The following NOL4 variants were observed in gnomAD, a reference collection of about 807,000 sequenced individuals.
NOL4 encodes the protein cancer/testis antigen 125.
In NOL4, 17 loss-of-function variants were observed where a neutral mutation model predicts 75.9. The ratio of observed to expected loss-of-function variants is 0.22; its 90% CI spans 0.15 to 0.34. NOL4 has a LOEUF of 0.34. NOL4 is among the 10% of genes least tolerant of loss of function. NOL4 has a pLI of 1.00. For synonymous variants in NOL4, 292 were observed against 289.9 expected (o/e 1.01, Z -0.07); for missense variants, 614 against 793.5 (o/e 0.77, Z 2.72).
At chr18:34,174,984 C>A (rs2033408637) in intron 1 of NOL4, among the ~76,000 whole-genome samples, 1 of 152,058 alleles carries the variant, frequency 6.6e-6, no homozygotes, top group African/African-American at 2.4e-5. Flanking sequence ...TGTGGCAACT[C>A]CTCAAGGATC....
chr18:34,146,402 T>C (rs1222753453), intron 1 of NOL4, among the ~76,000 whole-genome samples: 2 of 152,152 alleles, frequency 1.3e-5, no homozygotes, highest in African/African-American at 2.4e-5. Flanking sequence ...TTAATTTTTG[T>C]ATAAGGTGTA....
chr18:33,915,221 A>G (rs1029848904), intron 9 of NOL4, among the ~76,000 whole-genome samples: 1 of 152,130 alleles, frequency 6.6e-6, no homozygotes, highest in Non-Finnish European at 1.5e-5. Flanking sequence ...GGAAGTCATC[A>G]GTGGACTTTT....
At chr18:33,886,406 TA>T (rs1281719709) in intron 9 of NOL4, among the ~76,000 whole-genome samples, 1 of 151,228 alleles carries the variant, frequency 6.6e-6, no homozygotes, top group Non-Finnish European at 1.5e-5. Flanking sequence ...TGGGCCCCTG[TA>T]ATCCCAGCTA....
intron 8 of NOL4, among the ~76,000 whole-genome samples, chr18:33,946,183 C>A (rs979146539): frequency 1.3e-5 from 2 of 151,538 alleles, no homozygotes; most frequent in Non-Finnish European, 3.0e-5. Flanking sequence ...GTGTTACAAT[C>A]AAAAAATTAT....
chr18:34,002,581 G>C (rs749564406), intron 6 of NOL4, among the ~76,000 whole-genome samples: 2 of 151,998 alleles, frequency 1.3e-5, no homozygotes, highest in Non-Finnish European at 2.9e-5. Flanking sequence ...GAACCTCTGA[G>C]AAAAAGGAAC....
At chr18:34,200,782 A>G (rs939469456) in intron 1 of NOL4, among the ~76,000 whole-genome samples, 4 of 151,830 alleles carry the variant, frequency 2.6e-5, no homozygotes, top group Non-Finnish European at 5.9e-5. Flanking sequence ...TGTATTGTTG[A>G]AATGAACTAA....
intron 6 of NOL4, among the ~76,000 whole-genome samples, chr18:34,016,435 C>T (rs1027818516): frequency 6.6e-6 from 1 of 152,094 alleles, no homozygotes; most frequent in African/African-American, 2.4e-5. Flanking sequence ...ATTAGACAAT[C>T]CGAAGTCCTT....
chr18:33,943,342 T>C lies in NOL4; in HGVS notation c.1429-164A>G, dbSNP rs116842502. Among the ~76,000 whole-genome samples the C allele has an allele frequency of 6.4e-3, 975 of 151,796 alleles. 7 individuals are homozygous for C. Among genetic ancestry groups the C allele is most frequent in the Admixed American group, 0.011 (170 of 15,180 alleles). ...AAAGAGGAAATGGAAATTGTAAAGA[T>C]GAAAAATGAAAGCTAGTTAGAGGTT... is the stretch of plus-strand genomic sequence containing the variant. On this transcript the variant is annotated intron_variant, in intron 8 of 10. Transcript: ENST00000261592.
chr18:34,037,489 T>A (rs1339891746), intron 5 of NOL4, among the ~76,000 whole-genome samples: 1 of 151,728 alleles, frequency 6.6e-6, no homozygotes, highest in Non-Finnish European at 1.5e-5. Context: ...AAGCTGGAGG[T>A]ATCATACTAC....
chr18:33,927,869 C>T (rs11876657), intron 9 of NOL4, among the ~76,000 whole-genome samples: 2,346 of 152,128 alleles, frequency 0.015, 64 homozygotes, highest in African/African-American at 0.052. Context: ...ATGGACCACA[C>T]GAGACATGTC....
intron 5 of NOL4, among the ~76,000 whole-genome samples, chr18:34,034,430 T>C (rs1026500515): frequency 6.6e-6 from 1 of 152,122 alleles, no homozygotes; most frequent in Non-Finnish European, 1.5e-5. Flanking sequence ...TGGAGAAAGA[T>C]ATTCCACACA....
chr18:34,102,693 A>G (rs1325934585), intron 4 of NOL4, among the ~76,000 whole-genome samples: 1 of 152,066 alleles, frequency 6.6e-6, no homozygotes, highest in Non-Finnish European at 1.5e-5. Context: ...GCCTAGTAAT[A>G]AACATATCAA....
intron 5 of NOL4, among the ~76,000 whole-genome samples, chr18:34,044,775 C>G (rs2076287718): frequency 1.3e-5 from 2 of 152,112 alleles, no homozygotes; most frequent in African/African-American, 4.8e-5. Context: ...TCCTGCCTCC[C>G]ATTACCGCCA....
At chr18:34,219,070 A>ACAACAATAT (rs1555764679) in intron 1 of NOL4, among the ~76,000 whole-genome samples, 2 of 152,192 alleles carry the variant, frequency 1.3e-5, no homozygotes, top group African/African-American at 4.8e-5. Flanking sequence ...ATGCACAGCA[A>ACAACAATAT]GAACAATATG....
chr18:34,104,003 G>C (rs201130088), intron 4 of NOL4, 44 bp downstream of exon 4: 2 of 1,307,934 alleles, frequency 1.5e-6, no homozygotes, highest in Non-Finnish European at 2.2e-6. Context: ...ATCAAGCTTC[G>C]TTCCAATTTG....
intron 1 of NOL4, among the ~76,000 whole-genome samples, chr18:34,141,625 G>C (rs1340781298): frequency 1.3e-5 from 2 of 152,194 alleles, no homozygotes; most frequent in Non-Finnish European, 2.9e-5. Flanking sequence ...AAACTGGCTA[G>C]CTATATGTAG....
In NOL4 at chr18:33,873,921, G is replaced by A. The variant is rs185352470; in HGVS notation, c.1723+9323C>T. ...GAGGTAAACAGAAACGGTATCTTAG[G>A]GAACATAATAGCTGATATGAGTCAG... On this transcript the variant is annotated intron_variant, in intron 10 of 10. Coordinates refer to ENST00000261592, the MANE Select transcript of NOL4 (RefSeq NM_003787.5). Among the ~76,000 whole-genome samples, 844 of 151,908 alleles carry A rather than the reference G, an allele frequency of 5.6e-3. 4 individuals are homozygous for A. The highest frequency in any genetic ancestry group is 9.3e-3 in the Admixed American group (141 of 15,194).
At chr18:33,855,069 T>C (rs952261858) in intron 10 of NOL4, among the ~76,000 whole-genome samples, 19 of 152,058 alleles carry the variant, frequency 1.2e-4, no homozygotes, top group African/African-American at 4.6e-4. Flanking sequence ...GTTGACATCA[T>C]TATCTTGGCT....
intron 5 of NOL4, among the ~76,000 whole-genome samples, chr18:34,089,799 A>T (rs980666781): frequency 5.3e-5 from 8 of 152,218 alleles, no homozygotes; most frequent in African/African-American, 1.9e-4. Flanking sequence ...GCTGCTAAAC[A>T]TTATGCAATG....
Sources: gnomAD v4.1 joint callset for allele counts (sites outside exome capture counted in the v4.1 genomes callset) on GRCh38, gnomAD v4.1.1 for gene constraint, MANE v1.5 for transcripts, NCBI Gene and HGNC (gene_info 2026-07-23, HGNC 2026-07-21) for gene names.